Variants in ABCB8 observed in about 807,000 individuals in gnomAD.
ABCB8 encodes the protein ATP binding cassette subfamily B member 8, also known as mitochondrial potassium channel ATP-binding subunit.
In ABCB8, 52 loss-of-function variants were observed where a neutral mutation model predicts 73.0. The ratio of observed to expected loss-of-function variants is 0.71; its 90% CI spans 0.57 to 0.90. The LOEUF is 0.90. ABCB8 is among the 40% of genes least tolerant of loss of function. ABCB8 has a pLI of 0.00. For missense variants in ABCB8, 909 were observed against 974.6 expected, an observed-to-expected ratio of 0.93 and a Z score of 0.90; for synonymous variants, 428 against 423.5, an observed-to-expected ratio of 1.01 and a Z score of -0.13.
intron 7 of ABCB8, 50 bp downstream of exon 7, chr7:151,036,017 G>T: frequency 9.3e-6 from 15 of 1,612,812 alleles, no homozygotes; most frequent in Non-Finnish European, 1.3e-5. Context: ...CCCACACCCT[G>T]CCAACCCTTC....
rs1279580333 is a variant in ABCB8, at chr7:151,045,788, C to T, written c.*439C>T. On this transcript the variant is annotated 3_prime_UTR_variant, in exon 16 of 16. Transcript: ENST00000358849. ...GTGGGCCTGGGAATTCAAACCTAGG[C>T]TCTTCCCACACCCTTGCTAGGACCT... 6.4e-6 allele frequency: 1 copy of T among 156,650 alleles called. No individual in the cohort carries two copies. The highest frequency in any genetic ancestry group is 1.8e-4 in the East Asian group (1 of 5,436). The allele number at this position is 156,650 out of a possible 1,614,324, so 9.7% of individuals were successfully genotyped here. A position where few individuals can be genotyped will look rare whatever the true frequency, so the allele number is the denominator to read the frequency against.
intron 9 of ABCB8, chr7:151,037,370 A>G (rs1796338622): frequency 2.9e-6 from 2 of 701,444 alleles, no homozygotes; most frequent in Non-Finnish European, 5.2e-6. Context: ...AGGGATGACA[A>G]GCTGACCCCT....
Position 151,040,486 on chromosome 7 carries a change from C to T in ABCB8, c.1252-12C>T, listed in dbSNP as rs1320985921. ...TCCTGCCTCCCTGCGGACTTTGGAT[C>T]CCCTCCCACAGGTGGTCCGGGGGCT... On this transcript the variant is annotated splice_polypyrimidine_tract_variant and intron_variant, in intron 10 of 15. Transcript: ENST00000358849. 6.2e-7 allele frequency: 1 copy of T among 1,603,388 alleles called. No homozygotes were observed. Among genetic ancestry groups the T allele is most frequent in the Non-Finnish European group, 8.5e-7 (1 of 1,173,070 alleles).
At chr7:151,032,642 C>T (rs1315412435) in intron 1 of ABCB8, among the ~76,000 whole-genome samples, 2 of 150,798 alleles carry the variant, frequency 1.3e-5, no homozygotes, top group Non-Finnish European at 1.5e-5. Flanking sequence ...TGCAGTGAGC[C>T]GAGATTGTGC....
Position 151,041,344 on chromosome 7 carries a change from C to T in ABCB8, c.1617+112C>T, listed in dbSNP as rs921390838. Reference sequence around the variant, plus strand: ...CTTTCCCACCCTCATCCTTGCTGCTCTCGGGAGACCCTGGCCGTCTTCACA... The same window carrying T: ...CTTTCCCACCCTCATCCTTGCTGCTTTCGGGAGACCCTGGCCGTCTTCACA... On this transcript the variant is annotated intron_variant, in intron 13 of 15. Coordinates refer to ENST00000358849, the MANE Select transcript of ABCB8 (RefSeq NM_007188.5). 4 of 1,367,402 alleles carry T rather than the reference C, an allele frequency of 2.9e-6. No homozygotes were observed. In the Admixed American group the frequency reaches 1.1e-4, roughly 38 times the overall value. The allele number at this position is 1,367,402 out of a possible 1,614,324, so 84.7% of individuals were successfully genotyped here.
chr7:151,036,235 G>A (rs1173564548), intron 8 of ABCB8, 65 bp downstream of exon 8: 1 of 1,441,744 alleles, frequency 6.9e-7, no homozygotes, highest in African/African-American at 1.4e-5. Flanking sequence ...GAGCAGCCAA[G>A]GCAGGCAAAG....
chr7:151,036,200 C>T (rs376741483), intron 8 of ABCB8, 30 bp downstream of exon 8: 11 of 1,571,842 alleles, frequency 7.0e-6, no homozygotes, highest in South Asian at 4.6e-5. Context: ...GCTGGAGGGG[C>T]GCTTGTGGGC....
chr7:151,035,957 C>T lies in ABCB8; in HGVS notation c.1003C>T (p.Arg335Trp), dbSNP rs770304156. 8.1e-5 allele frequency: 130 copies of T among 1,613,884 alleles called. No individual in the cohort carries two copies. The highest frequency in any genetic ancestry group is 1.1e-4 in the Non-Finnish European group (126 of 1,180,022). Residue 335 changes from arginine (R) to tryptophan (W), a missense_variant, in exon 7 of 16, where the codon CGG becomes TGG. Coordinates refer to ENST00000358849, the MANE Select transcript of ABCB8 (RefSeq NM_007188.5). The stretch of plus-strand genomic sequence containing the variant: ...TGTGCGTGCCTTCGCCATGGAGCAA[C>T]GGGAAGAGGAGTGAGTCCTGGGAGG... ...RTVRAFAMEQ[R>W]EEERYGAELE...
chr7:151,034,418 A>G lies in ABCB8; in HGVS notation c.554A>G (p.Tyr185Cys), dbSNP rs373232193. The G allele has an allele frequency of 8.7e-6, 14 of 1,613,782 alleles. No homozygotes were observed. Among genetic ancestry groups the G allele is most frequent in the Middle Eastern group, 1.6e-4 (1 of 6,082 alleles). Residue 185 changes from tyrosine (Y) to cysteine (C), a missense_variant, in exon 3 of 16, where the codon TAT (tyrosine) becomes TGT (cysteine). By Grantham distance (194) the Tyr-to-Cys change is radical. Coordinates refer to ENST00000358849, the MANE Select transcript of ABCB8 (RefSeq NM_007188.5). ...QNLSTHLLIL[Y>C]GVQGLLTFGY... ...CTCAGCACCCACCTGCTTATCCTCTATGGTGTCCAGGTACAGCCGGGAGTG... is the reference window on the plus strand; with the variant it reads ...CTCAGCACCCACCTGCTTATCCTCTGTGGTGTCCAGGTACAGCCGGGAGTG...
At chr7:151,037,066 C>CA in intron 9 of ABCB8, 1 of 692,654 alleles carries the variant, frequency 1.4e-6, no homozygotes, top group Admixed American at 2.0e-5. Context: ...TCTTACCTGG[C>CA]AGAGCGGAAA....
rs1475287892 is a variant in ABCB8, at chr7:151,046,007, G to A, written c.*658G>A. 1 of 152,318 alleles carries A rather than the reference G, an allele frequency of 6.6e-6. No homozygotes were observed. Among genetic ancestry groups the A allele is most frequent in the Non-Finnish European group, 1.5e-5 (1 of 68,106 alleles). 9.4% of individuals were successfully genotyped at this position (152,318 alleles called of 1,614,324 possible). A position where few individuals can be genotyped will look rare whatever the true frequency, so the allele number is the denominator to read the frequency against. On this transcript the variant is annotated 3_prime_UTR_variant, in exon 16 of 16. Coordinates refer to ENST00000358849, the MANE Select transcript of ABCB8 (RefSeq NM_007188.5). ...CCCCTCCCCACCCACAAGGGACACA[G>A]GCCTAACAGGGCCCAACACTTGGGT...
Position 151,033,879 on chromosome 7 carries a change from C to T in ABCB8, c.370C>T (p.Leu124=), listed in dbSNP as rs117793104. 3.7e-6 allele frequency: 6 copies of T among 1,610,126 alleles called. No individual in the cohort carries two copies. In the Admixed American group the frequency reaches 5.0e-5, roughly 13 times the overall value. ...TAACTGGAAGCTCTTCTGGCAGTTT[C>T]TGCACCCCCACCTGCTGGTCCTGGG... ...RFNWKLFWQF[L]HPHLLVLGVA... is the part of the protein sequence containing the mutation. Residue 124 remains leucine, a synonymous_variant, in exon 2 of 16, where the codon CTG becomes TTG. Coordinates refer to ENST00000358849, the MANE Select transcript of ABCB8 (RefSeq NM_007188.5).
chr7:151,036,436 G>T, intron 8 of ABCB8, 108 bp from the exon 9 acceptor site: 2 of 1,081,942 alleles, frequency 1.8e-6, no homozygotes, highest in South Asian at 1.3e-5. Context: ...CCAACGCTGG[G>T]ACCAGTCATG....
Position 151,046,645 on chromosome 7 carries a change from G to C in ABCB8, c.*1296G>C, listed in dbSNP as rs188149518. ...TGTTCCCCTGGGCAGGAGAAGAGGT[G>C]GTACCTGCAATGCACCTTCACAGCC... On this transcript the variant is annotated 3_prime_UTR_variant, in exon 16 of 16. Coordinates refer to ENST00000358849, the MANE Select transcript of ABCB8 (RefSeq NM_007188.5). 2.0e-5 allele frequency: 3 copies of C among 152,280 alleles called. No homozygotes were observed. Among genetic ancestry groups the C allele is most frequent in the Non-Finnish European group, 4.4e-5 (3 of 68,092 alleles). 9.4% of individuals were successfully genotyped at this position (152,280 alleles called of 1,614,324 possible). A position where few individuals can be genotyped will look rare whatever the true frequency, so the allele number is the denominator to read the frequency against.
chr7:151,041,722 C>T (rs904912510), intron 13 of ABCB8, among the ~76,000 whole-genome samples: 3 of 152,240 alleles, frequency 2.0e-5, no homozygotes, highest in African/African-American at 7.2e-5. Context: ...CCTGCCAGCT[C>T]CTCCCACTCC....
At position 151,047,034 on chromosome 7, in the gene ABCB8, G is replaced by A. The variant is rs1796631076; in HGVS notation, c.*1685G>A. 1 of 152,264 alleles carries A rather than the reference G, an allele frequency of 6.6e-6. No individual in the cohort carries two copies. Among genetic ancestry groups the A allele is most frequent in the Non-Finnish European group, 1.5e-5 (1 of 68,062 alleles). 9.4% of individuals were successfully genotyped at this position (152,264 alleles called of 1,614,324 possible). ...TAGGGCAGCCCAGAGTAGGGCCTCA[G>A]CTGGCAAGTCCACAAGCCCTGCTGG... On this transcript the variant is annotated 3_prime_UTR_variant, in exon 16 of 16. Transcript: ENST00000358849.
chr7:151,043,950 G>C (rs753412605), intron 14 of ABCB8, 21 bp from the exon 15 acceptor site: 23 of 1,605,082 alleles, frequency 1.4e-5, no homozygotes, highest in Middle Eastern at 1.7e-4. Context: ...TCAGGCTCCT[G>C]CCCTGCCCCT....
Position 151,041,196 on chromosome 7 carries a change from C to T in ABCB8, c.1581C>T (p.Ser527=). ...GGGACCTGCGCACCCTTGACCCCTC[C>T]TGGCTCCGGGGCCAGGTTGTCGGCT... ...DGRDLRTLDP[S]WLRGQVVGFI... is the part of the protein sequence containing the mutation. Residue 527 remains serine, a synonymous_variant, in exon 13 of 16, where the codon TCC becomes TCT. Transcript: ENST00000358849. 1 of 1,607,230 alleles carries T rather than the reference C, an allele frequency of 6.2e-7. No individual in the cohort carries two copies. The highest frequency in any genetic ancestry group is 1.7e-4 in the Middle Eastern group (1 of 6,050).
At position 151,034,294 on chromosome 7, in the gene ABCB8, G is replaced by T. The variant is rs150872185; in HGVS notation, c.430G>T (p.Val144Leu). 5.0e-6 allele frequency: 8 copies of T among 1,613,412 alleles called. No individual in the cohort carries two copies. Among genetic ancestry groups the T allele is most frequent in the Non-Finnish European group, 6.8e-6 (8 of 1,179,922 alleles). The change falls in exon 3 of 16, where the codon GTG becomes TTG. Residue 144 changes from valine (V) to leucine (L), a missense_variant. By Grantham distance (32) the Val-to-Leu change is conservative. Transcript: ENST00000358849. ...AVVLALGAALVNVQIPLLLGQ... is the reference protein window; with the variant it reads ...AVVLALGAALLNVQIPLLLGQ... ...CCAGCTGGCCTTGGGTGCGGCACTCGTGAATGTACAGATCCCCCTGCTCCT... is the reference window on the plus strand; with the variant it reads ...CCAGCTGGCCTTGGGTGCGGCACTCTTGAATGTACAGATCCCCCTGCTCCT...
Sources: gnomAD v4.1 joint callset for allele counts (sites outside exome capture counted in the v4.1 genomes callset) on GRCh38, gnomAD v4.1.1 for gene constraint, MANE v1.5 for transcripts, NCBI Gene and HGNC (gene_info 2026-07-23, HGNC 2026-07-21) for gene names.